KIAA1671: variants seen among roughly 807,000 people sequenced by gnomAD.
KIAA1671 encodes KIAA1671, also known as uncharacterized protein KIAA1671.
A neutral mutation model predicts 131.2 loss-of-function variants in KIAA1671; 52 were observed. The observed-to-expected ratio is 0.40, with a 90% CI of 0.32 to 0.50. KIAA1671 has a LOEUF of 0.50. Ranked by LOEUF, KIAA1671 falls within the 20% of genes least tolerant of loss-of-function variation. The pLI is 0.73. For synonymous variants in KIAA1671, 1,003 were observed against 961.6 expected (o/e 1.04, Z -0.80); for missense variants, 2,360 against 2,364.2 (o/e 1.00, Z 0.04).
intron 9 of KIAA1671, among the ~76,000 whole-genome samples, chr22:25,180,469 C>A (rs543687887): frequency 6.6e-6 from 1 of 151,826 alleles, no homozygotes; most frequent in Non-Finnish European, 1.5e-5. Context: ...ACCCAGGAGG[C>A]GGAGGTTGCA....
chr22:25,132,991 G>A (rs1932509184), intron 6 of KIAA1671, among the ~76,000 whole-genome samples: 2 of 147,150 alleles, frequency 1.4e-5, no homozygotes, highest in African/African-American at 5.0e-5. Context: ...GGAGGCAGAG[G>A]TTGCAGTGAG....
At chr22:25,177,292 C>T (rs1194887939) in intron 8 of KIAA1671, 56 bp from the exon 9 acceptor site, 2 of 1,475,334 alleles carry the variant, frequency 1.4e-6, no homozygotes, top group African/African-American at 2.8e-5. Context: ...TGTTGTGGTA[C>T]CCTCCATTGA....
At chr22:25,087,445 A>G (rs1929786274) in intron 6 of KIAA1671, among the ~76,000 whole-genome samples, 1 of 152,132 alleles carries the variant, frequency 6.6e-6, no homozygotes, top group Non-Finnish European at 1.5e-5. Flanking sequence ...TTAGGCAGGC[A>G]TGGTGGCGGG....
chr22:25,174,342 A>AG lies in KIAA1671; in HGVS notation c.4756dup (p.Asp1586GlyfsTer4). The AG allele has an allele frequency of 6.4e-7, 1 of 1,552,024 alleles. No homozygotes were observed. On this transcript the variant is annotated frameshift_variant, in exon 8 of 13. Coordinates refer to ENST00000358431, the MANE Select transcript of KIAA1671 (RefSeq NM_001145206.2). LOFTEE classifies it high-confidence loss of function. ...CCTCCCAAACGGAGCCCACCTCGGC[A>AG]GGGGACCAGTATGACTGCTCCAGGG...
rs1179470358 is a variant in KIAA1671 at position 25,049,302 on chromosome 22, G to A, written c.4468G>A (p.Val1490Met). 1.9e-6 allele frequency: 3 copies of A among 1,551,694 alleles called. No homozygotes were observed. The highest frequency in any genetic ancestry group is 2.7e-5 in the African/African-American group (2 of 73,060). Residue 1490 changes from valine (V) to methionine (M), a missense_variant, in exon 6 of 13, where the codon GTG becomes ATG. Coordinates refer to ENST00000358431, the MANE Select transcript of KIAA1671 (RefSeq NM_001145206.2). The stretch of plus-strand genomic sequence containing the variant: ...GCGACCGCTCCAGCAGGTGTCCCCT[G>A]TGGCCTCGGTTCCCTGGAGAAGCCA... ...KERPLQQVSP[V>M]ASVPWRSHSF...
intron 1 of KIAA1671, among the ~76,000 whole-genome samples, chr22:24,960,591 T>C (rs1383098949): frequency 1.4e-5 from 2 of 147,918 alleles, no homozygotes; most frequent in Non-Finnish European, 3.0e-5. Context: ...TTCCAGTGCA[T>C]GAGGTGCTAT....
intron 6 of KIAA1671, among the ~76,000 whole-genome samples, chr22:25,071,665 C>T (rs8135118): frequency 0.24 from 36,082 of 149,884 alleles, 5,196 homozygotes; most frequent in African/African-American, 0.4. Context: ...TGCCTGGCTG[C>T]GTGTTGGGCT....
chr22:25,190,419 C>T (rs1934632399), intron 11 of KIAA1671, among the ~76,000 whole-genome samples: 1 of 152,236 alleles, frequency 6.6e-6, no homozygotes, highest in African/African-American at 2.4e-5. Flanking sequence ...CACTCACCAC[C>T]TGCTGTGTGG....
At chr22:25,190,650 A>G in intron 11 of KIAA1671, 52 bp from the exon 12 acceptor site, 1 of 1,463,582 alleles carries the variant, frequency 6.8e-7, no homozygotes, top group Non-Finnish European at 9.4e-7. Flanking sequence ...CCTGCCCGCA[A>G]GGAGCCCACA....
intron 1 of KIAA1671, among the ~76,000 whole-genome samples, chr22:25,004,984 C>A (rs769666174): frequency 1.3e-5 from 2 of 151,218 alleles, no homozygotes; most frequent in Non-Finnish European, 2.9e-5. Context: ...TGATTGTACT[C>A]ATTAAAACTC....
chr22:25,019,923 C>A (rs5760801), intron 1 of KIAA1671, among the ~76,000 whole-genome samples: 18,103 of 152,116 alleles, frequency 0.12, 1,749 homozygotes, highest in African/African-American at 0.24. Context: ...GTGACATTTC[C>A]CATGCTTGTA....
At chr22:25,085,771 A>AAGGAAGGG (rs199580184) in intron 6 of KIAA1671, among the ~76,000 whole-genome samples, 1 of 139,332 alleles carries the variant, frequency 7.2e-6, no homozygotes, top group Non-Finnish European at 1.5e-5. Context: ...GTGGTGAAGG[A>AAGGAAGGG]AGGAAGGGAG....
chr22:25,024,604 T>C (rs1925837267), intron 1 of KIAA1671: 1 of 152,144 alleles, frequency 6.6e-6, no homozygotes, highest in Non-Finnish European at 1.5e-5. Flanking sequence ...TTGCTTAGAG[T>C]CATTTGGCAT....
chr22:25,055,833 TATAG>T (rs1162806976), intron 6 of KIAA1671: 4 of 141,736 alleles, frequency 2.8e-5, no homozygotes, highest in African/African-American at 1.0e-4. Flanking sequence ...TATAGATAGA[TATAG>T]ATACAGATAC....
At chr22:25,057,529 G>GTT (rs57748471) in intron 6 of KIAA1671, 32,053 of 152,112 alleles carry the variant, frequency 0.21, 3,497 homozygotes, top group Middle Eastern at 0.28. Flanking sequence ...CCAGGAGAGT[G>GTT]AACCTTTTCC....
intron 6 of KIAA1671, among the ~76,000 whole-genome samples, chr22:25,076,103 AC>A (rs1929096374): frequency 6.6e-6 from 1 of 152,196 alleles, no homozygotes; most frequent in South Asian, 2.1e-4. Flanking sequence ...TTGTGTGTCC[AC>A]TGGCAGCATA....
At chr22:25,091,783 C>T (rs889134463) in intron 6 of KIAA1671, among the ~76,000 whole-genome samples, 2 of 152,038 alleles carry the variant, frequency 1.3e-5, no homozygotes, top group Admixed American at 6.6e-5. Flanking sequence ...AGGAGATGCC[C>T]GCTGCTGAGC....
chr22:25,021,996 G>A (rs1925697645), intron 1 of KIAA1671, among the ~76,000 whole-genome samples: 1 of 151,782 alleles, frequency 6.6e-6, no homozygotes, highest in African/African-American at 2.4e-5. Flanking sequence ...CCGTGGTCTC[G>A]ATCTCCTGAC....
chr22:25,022,654 T>C (rs1244370544), intron 1 of KIAA1671: 2 of 152,214 alleles, frequency 1.3e-5, no homozygotes, highest in African/African-American at 4.8e-5. Context: ...CTTGGCAAGT[T>C]CAGCAACAGT....
Sources: allele counts gnomAD v4.1 joint callset (sites outside exome capture counted in the v4.1 genomes callset), GRCh38; gene constraint gnomAD v4.1.1; transcripts MANE v1.5; gene names NCBI Gene and HGNC (gene_info 2026-07-23, HGNC 2026-07-21).